VWC2L: variants seen among roughly 807,000 people sequenced by gnomAD.
VWC2L encodes the protein von Willebrand factor C domain containing 2 like, also known as von Willebrand factor C domain-containing protein 2-like.
Under a neutral mutation model 21.6 loss-of-function variants are expected in VWC2L, and 10 were observed. That is an observed-to-expected ratio of 0.46 (90% CI 0.29 to 0.78). VWC2L has a LOEUF of 0.78. VWC2L is among the 30% of genes least tolerant of loss of function. The pLI is 0.10. For missense variants in VWC2L, 209 were observed against 277.1 expected (o/e 0.75, Z 1.74); for synonymous variants, 96 against 94.3 (o/e 1.02, Z -0.10).
intron 3 of VWC2L, among the ~76,000 whole-genome samples, chr2:214,480,056 A>G (rs1688581326): frequency 6.6e-6 from 1 of 151,960 alleles, no homozygotes; most frequent in South Asian, 2.1e-4. Flanking sequence ...ATTACATATT[A>G]TAAGTAATAT....
At chr2:214,494,966 C>T (rs1688792248) in intron 3 of VWC2L, among the ~76,000 whole-genome samples, 1 of 152,018 alleles carries the variant, frequency 6.6e-6, no homozygotes, top group Non-Finnish European at 1.5e-5. Flanking sequence ...CTTTGCATTA[C>T]TTTGATTGTT....
intron 3 of VWC2L, among the ~76,000 whole-genome samples, chr2:214,491,584 C>T (rs1441760841): frequency 1.3e-5 from 2 of 152,192 alleles, no homozygotes; most frequent in African/African-American, 4.8e-5. Context: ...GGAAATTTTA[C>T]TCAACTCCCG....
At chr2:214,460,339 G>A (rs1216582981) in intron 3 of VWC2L, among the ~76,000 whole-genome samples, 6 of 152,134 alleles carry the variant, frequency 3.9e-5, no homozygotes, top group Admixed American at 2.0e-4. Context: ...CTATCATTTT[G>A]TTAAACAGAT....
Position 214,576,827 on chromosome 2 carries a change from A to G in VWC2L, c.*1007A>G, listed in dbSNP as rs1690237334. ...TTTGTGGTTCGGGACTGTGTTTGCC[A>G]TGTTGTAGTAACAACCACTCAGCCC... On this transcript the variant is annotated 3_prime_UTR_variant, in exon 4 of 4. Coordinates refer to ENST00000312504, the MANE Select transcript of VWC2L (RefSeq NM_001080500.4). The G allele has an allele frequency of 6.6e-6, 1 of 152,202 alleles. No individual in the cohort carries two copies. Among genetic ancestry groups the G allele is most frequent in the South Asian group, 2.1e-4 (1 of 4,834 alleles). The allele number at this position is 152,202 out of a possible 1,614,324, so 9.4% of individuals were successfully genotyped here.
chr2:214,455,540 T>C (rs1703044221), intron 3 of VWC2L, among the ~76,000 whole-genome samples: 1 of 152,224 alleles, frequency 6.6e-6, no homozygotes, highest in Non-Finnish European at 1.5e-5. Flanking sequence ...TTGCTATGTG[T>C]TGGGGACATT....
chr2:214,463,428 A>G (rs912613275), intron 3 of VWC2L, among the ~76,000 whole-genome samples: 4 of 152,062 alleles, frequency 2.6e-5, no homozygotes, highest in Non-Finnish European at 4.4e-5. Context: ...TTTTCCTTGT[A>G]TCCTCATTCT....
At chr2:214,543,508 T>C (rs546845387) in intron 3 of VWC2L, among the ~76,000 whole-genome samples, 55 of 152,290 alleles carry the variant, frequency 3.6e-4, no homozygotes, top group Non-Finnish European at 6.0e-4. Flanking sequence ...TTTTTGAAGA[T>C]AGTTATCAAA....
chr2:214,499,466 C>A (rs778329266), intron 3 of VWC2L, among the ~76,000 whole-genome samples: 2 of 139,096 alleles, frequency 1.4e-5, no homozygotes, highest in African/African-American at 5.5e-5. Context: ...AGAAGTTTGA[C>A]ACAGGAAGGG....
chr2:214,563,482 G>T (rs1300804278), intron 3 of VWC2L, among the ~76,000 whole-genome samples: 1 of 142,964 alleles, frequency 7.0e-6, no homozygotes, highest in East Asian at 2.1e-4. Context: ...AGGAGGCAGA[G>T]CTTGCAATGA....
chr2:214,544,587 C>T (rs1421136496), intron 3 of VWC2L, among the ~76,000 whole-genome samples: 1 of 152,102 alleles, frequency 6.6e-6, no homozygotes, highest in East Asian at 1.9e-4. Context: ...TGGAGAGTCT[C>T]CAGCCAAAAC....
At chr2:214,515,424 C>T (rs1009185280) in intron 3 of VWC2L, among the ~76,000 whole-genome samples, 13 of 152,296 alleles carry the variant, frequency 8.5e-5, no homozygotes, top group East Asian at 5.8e-4. Context: ...ATCCTGTGTG[C>T]GGCTGTATCA....
chr2:214,426,666 A>G (rs1014126088), intron 2 of VWC2L, among the ~76,000 whole-genome samples: 1 of 152,234 alleles, frequency 6.6e-6, no homozygotes, highest in Non-Finnish European at 1.5e-5. Flanking sequence ...AGATTATCAA[A>G]CTTGGCAAAT....
intron 3 of VWC2L, among the ~76,000 whole-genome samples, chr2:214,478,365 G>A (rs1036164880): frequency 6.6e-6 from 1 of 151,892 alleles, no homozygotes; most frequent in African/African-American, 2.4e-5. Context: ...TGTAATCCCA[G>A]CTACTCAGGA....
At chr2:214,543,538 T>C (rs1348722488) in intron 3 of VWC2L, among the ~76,000 whole-genome samples, 2 of 152,122 alleles carry the variant, frequency 1.3e-5, no homozygotes, top group Admixed American at 6.6e-5. Flanking sequence ...CAATGAAAAG[T>C]ATTGTTTTAC....
chr2:214,415,639 C>T (rs942878508), intron 2 of VWC2L, among the ~76,000 whole-genome samples: 5 of 152,084 alleles, frequency 3.3e-5, no homozygotes, highest in African/African-American at 1.2e-4. Context: ...AAGGTCTCAA[C>T]TGATCATCAT....
chr2:214,509,401 C>A (rs148641767), intron 3 of VWC2L, among the ~76,000 whole-genome samples: 1 of 152,020 alleles, frequency 6.6e-6, no homozygotes, highest in African/African-American at 2.4e-5. Context: ...AGTTTCAAGA[C>A]ACAGCCTATA....
At chr2:214,522,416 G>A (rs1233926530) in intron 3 of VWC2L, among the ~76,000 whole-genome samples, 1 of 146,012 alleles carries the variant, frequency 6.8e-6, no homozygotes, top group African/African-American at 2.5e-5. Context: ...TTTCCTCTTT[G>A]CTGATTCCTC....
At chr2:214,508,062 C>T (rs1312319028) in intron 3 of VWC2L, among the ~76,000 whole-genome samples, 1 of 152,042 alleles carries the variant, frequency 6.6e-6, no homozygotes, top group East Asian at 1.9e-4. Flanking sequence ...CTGCAAGCTC[C>T]GCCTACCGGG....
At chr2:214,518,149 G>C (rs142935759) in intron 3 of VWC2L, among the ~76,000 whole-genome samples, 186 of 137,924 alleles carry the variant, frequency 1.3e-3, no homozygotes, top group African/African-American at 4.5e-3. Context: ...CTGGATGACA[G>C]AGCAAGACTC....
Sources: gnomAD v4.1 joint callset for allele counts (sites outside exome capture counted in the v4.1 genomes callset) on GRCh38, gnomAD v4.1.1 for gene constraint, MANE v1.5 for transcripts, NCBI Gene and HGNC (gene_info 2026-07-23, HGNC 2026-07-21) for gene names.